Variants in GNA13 observed in about 807,000 individuals in gnomAD.
GNA13 encodes the protein G protein subunit alpha 13, also known as guanine nucleotide-binding protein subunit alpha-13.
Under a neutral mutation model 33.5 loss-of-function variants are expected in GNA13, and 4 were observed. The ratio of observed to expected loss-of-function variants is 0.12; its 90% CI spans 0.06 to 0.27. GNA13 has a LOEUF of 0.27. GNA13 is among the 10% of genes least tolerant of loss of function. The pLI, the probability that GNA13 is intolerant of heterozygous loss-of-function variation, is 1.00. For synonymous variants in GNA13, 176 were observed against 183.8 expected (o/e 0.96, Z 0.34); for missense variants, 319 against 487.2 (o/e 0.65, Z 3.25).
At chr17:65,023,949 C>G (rs1247362240) in intron 2 of GNA13, among the ~76,000 whole-genome samples, 1 of 152,168 alleles carries the variant, frequency 6.6e-6, no homozygotes, top group East Asian at 1.9e-4. Flanking sequence ...ACTGACTATG[C>G]TCAATAAAAA....
chr17:65,052,481 AT>A (rs987329367), intron 2 of GNA13, among the ~76,000 whole-genome samples: 2 of 152,196 alleles, frequency 1.3e-5, no homozygotes, highest in African/African-American at 4.8e-5. Context: ...CTGTCACTTC[AT>A]TTTAATCATA....
intron 2 of GNA13, among the ~76,000 whole-genome samples, chr17:65,033,215 T>A (rs1907114128): frequency 6.6e-6 from 1 of 152,052 alleles, no homozygotes. Context: ...CTGGACACAC[T>A]GGCTGACACC....
intron 2 of GNA13, among the ~76,000 whole-genome samples, chr17:65,041,515 A>G (rs1486155119): frequency 2.0e-5 from 3 of 152,172 alleles, no homozygotes; most frequent in African/African-American, 7.2e-5. Context: ...AAAAAAATAT[A>G]TATGTATTTT....
intron 2 of GNA13, among the ~76,000 whole-genome samples, chr17:65,031,655 G>C (rs1354590657): frequency 1.3e-5 from 2 of 152,018 alleles, no homozygotes; most frequent in African/African-American, 4.8e-5. Flanking sequence ...AACAAATCCA[G>C]GTCAAAATGT....
At chr17:65,050,741 C>CA (rs1231973752) in intron 2 of GNA13, among the ~76,000 whole-genome samples, 1 of 151,594 alleles carries the variant, frequency 6.6e-6, no homozygotes, top group Non-Finnish European at 1.5e-5. Flanking sequence ...AAAACAAAAA[C>CA]AAAAAAACAA....
chr17:65,032,968 G>A (rs550334270), intron 2 of GNA13, among the ~76,000 whole-genome samples: 34 of 152,156 alleles, frequency 2.2e-4, no homozygotes, highest in Non-Finnish European at 4.4e-4. Context: ...AAAATTAGCC[G>A]GGCGTGGTGG....
Position 65,012,581 on chromosome 17 carries a change from T to C in GNA13, c.*1676A>G, listed in dbSNP as rs910333149. The C allele has an allele frequency of 8.9e-6, 2 of 224,686 alleles. No individual in the cohort carries two copies. The highest frequency in any genetic ancestry group is 1.8e-5 in the Non-Finnish European group (2 of 112,790). The allele number at this position is 224,686 out of a possible 1,614,324, so 13.9% of individuals were successfully genotyped here. A position where few individuals can be genotyped will look rare whatever the true frequency, so the allele number is the denominator to read the frequency against. On this transcript the variant is annotated 3_prime_UTR_variant, in exon 4 of 4. Coordinates refer to ENST00000439174, the MANE Select transcript of GNA13 (RefSeq NM_006572.6). ...AGAAGTTATATGGATACAATGATAGTGGAAGTTCAAATGTGAGAAAAGTCA... is the reference window on the plus strand; with the variant it reads ...AGAAGTTATATGGATACAATGATAGCGGAAGTTCAAATGTGAGAAAAGTCA...
At chr17:65,053,051 A>C (rs960465238) in intron 2 of GNA13, 1 of 157,522 alleles carries the variant, frequency 6.3e-6, no homozygotes, top group Non-Finnish European at 1.4e-5. Context: ...ACAAAAAAAC[A>C]AATTTCTGAG....
intron 2 of GNA13, among the ~76,000 whole-genome samples, chr17:65,029,685 C>CA (rs1368411318): frequency 1.3e-5 from 2 of 152,172 alleles, no homozygotes; most frequent in Non-Finnish European, 2.9e-5. Context: ...AATTTAGACT[C>CA]AAAATCTCTT....
intron 2 of GNA13, among the ~76,000 whole-genome samples, chr17:65,033,781 G>A (rs1311693352): frequency 3.3e-5 from 5 of 152,052 alleles, no homozygotes; most frequent in Admixed American, 6.5e-5. Context: ...TTGGGAGGCC[G>A]AGGTGGGCGG....
Position 65,051,494 on chromosome 17 carries a change from A to T in GNA13, c.510+2008T>A, listed in dbSNP as rs149732672. ...GCCAGGTGTGGTGGCGCATGCCTGT[A>T]ATCTCAGCTACTTGGGAGGCTGAGG... On this transcript the variant is annotated intron_variant, in intron 2 of 3. Coordinates refer to ENST00000439174, the MANE Select transcript of GNA13 (RefSeq NM_006572.6). Among the ~76,000 whole-genome samples the T allele has an allele frequency of 7.0e-3, 1,068 of 152,284 alleles. 12 individuals are homozygous for T. The highest frequency in any genetic ancestry group is 0.024 in the African/African-American group (1,015 of 41,536).
In GNA13 at chr17:65,011,469, T is replaced by C. The variant is rs1906186699; in HGVS notation, c.*2788A>G. On this transcript the variant is annotated 3_prime_UTR_variant, in exon 4 of 4. Coordinates refer to ENST00000439174, the MANE Select transcript of GNA13 (RefSeq NM_006572.6). ...GCAACAATGCAGGTTATTAAAAATA[T>C]TAAAGGGGCAGAGGCATGCTTTGAA... 5.0e-6 allele frequency: 1 copy of C among 198,964 alleles called. No homozygotes were observed. Among genetic ancestry groups the C allele is most frequent in the Admixed American group, 6.0e-5 (1 of 16,568 alleles). 12.3% of individuals were successfully genotyped at this position (198,964 alleles called of 1,614,324 possible). A position where few individuals can be genotyped will look rare whatever the true frequency, so the allele number is the denominator to read the frequency against.
At chr17:65,027,831 G>A (rs1457808147) in intron 2 of GNA13, among the ~76,000 whole-genome samples, 1 of 152,254 alleles carries the variant, frequency 6.6e-6, no homozygotes, top group Non-Finnish European at 1.5e-5. Flanking sequence ...AAGGCTGGGC[G>A]TGGTGGCTCA....
rs183275665 is a variant in GNA13, at chr17:65,051,012, C to T, written c.510+2490G>A. Among the ~76,000 whole-genome samples, 8 of 152,294 alleles carry T rather than the reference C, an allele frequency of 5.3e-5. No individual in the cohort carries two copies. In the South Asian group the frequency reaches 6.2e-4, roughly 12 times the overall value. Reference sequence around the variant, plus strand: ...ACAAAGATATACTTAGGGATGCTTTCTCAACAATGAGGACATGACAGTCCT... The same window carrying T: ...ACAAAGATATACTTAGGGATGCTTTTTCAACAATGAGGACATGACAGTCCT... On this transcript the variant is annotated intron_variant, in intron 2 of 3. Coordinates refer to ENST00000439174, the MANE Select transcript of GNA13 (RefSeq NM_006572.6).
In GNA13 at chr17:65,047,952, T is replaced by C. The variant is rs552124607; in HGVS notation, c.510+5550A>G. The stretch of plus-strand genomic sequence containing the variant: ...CACAGATTGAGGGAGTAAATCTCTG[T>C]GTTAATGAATACACTATCTTATCGG... On this transcript the variant is annotated intron_variant, in intron 2 of 3. Transcript: ENST00000439174. Among the ~76,000 whole-genome samples, 19 of 152,370 alleles carry C rather than the reference T, an allele frequency of 1.2e-4. 1 individual carries two copies. Among genetic ancestry groups the C allele is most frequent in the Admixed American group, 1.2e-3 (19 of 15,300 alleles).
At position 65,013,103 on chromosome 17, in the gene GNA13, TCAA is replaced by T. The variant is rs369137197; in HGVS notation, c.*1151_*1153del. On this transcript the variant is annotated 3_prime_UTR_variant, in exon 4 of 4. Coordinates refer to ENST00000439174, the MANE Select transcript of GNA13 (RefSeq NM_006572.6). The stretch of plus-strand genomic sequence containing the variant: ...AATATACCTCAAAAAAGCTGGACTT[TCAA>T]CAACAACAATTATACAAATGTATAC... 24 of 204,486 alleles carry T rather than the reference TCAA, an allele frequency of 1.2e-4. 1 individual carries two copies. Among genetic ancestry groups the T allele is most frequent in the South Asian group, 7.6e-4 (4 of 5,262 alleles). 12.7% of individuals were successfully genotyped at this position (204,486 alleles called of 1,614,324 possible).
chr17:65,045,861 T>G (rs1453006618), intron 2 of GNA13, among the ~76,000 whole-genome samples: 4 of 152,172 alleles, frequency 2.6e-5, no homozygotes, highest in African/African-American at 7.2e-5. Flanking sequence ...TGTTAATTAT[T>G]TGTATGTATG....
rs1249447503 is a variant in GNA13 at position 65,012,564 on chromosome 17, T to C, written c.*1693A>G. 2 of 221,696 alleles carry C rather than the reference T, an allele frequency of 9.0e-6. No homozygotes were observed. Among genetic ancestry groups the C allele is most frequent in the East Asian group, 6.5e-5 (1 of 15,334 alleles). The allele number at this position is 221,696 out of a possible 1,614,324, so 13.7% of individuals were successfully genotyped here. A position where few individuals can be genotyped will look rare whatever the true frequency, so the allele number is the denominator to read the frequency against. On this transcript the variant is annotated 3_prime_UTR_variant, in exon 4 of 4. Transcript: ENST00000439174. ...CATGGCATGAAAATGCTAGAAGTTATATGGATACAATGATAGTGGAAGTTC... is the reference window on the plus strand; with the variant it reads ...CATGGCATGAAAATGCTAGAAGTTACATGGATACAATGATAGTGGAAGTTC...
At chr17:65,029,789 C>T (rs868332572) in intron 2 of GNA13, among the ~76,000 whole-genome samples, 2 of 152,228 alleles carry the variant, frequency 1.3e-5, no homozygotes, top group Middle Eastern at 3.4e-3. Flanking sequence ...TTATAACTTC[C>T]CCTTTATGAC....
Sources: allele counts gnomAD v4.1 joint callset (sites outside exome capture counted in the v4.1 genomes callset), GRCh38; gene constraint gnomAD v4.1.1; transcripts MANE v1.5; gene names NCBI Gene and HGNC (gene_info 2026-07-23, HGNC 2026-07-21).